OSBPL8: variants seen among roughly 807,000 people sequenced by gnomAD.
OSBPL8 encodes oxysterol-binding protein-related protein 8.
Under a neutral mutation model 125.5 loss-of-function variants are expected in OSBPL8, and 59 were observed. The observed-to-expected ratio is 0.47, with a 90% CI of 0.38 to 0.58. OSBPL8 has a LOEUF of 0.58. OSBPL8 is among the 20% of genes least tolerant of loss of function. The pLI is 0.00. For missense variants in OSBPL8, 758 were observed against 1,047.8 expected (o/e 0.72, Z 3.82); for synonymous variants, 330 against 338.9 (o/e 0.97, Z 0.29).
intron 12 of OSBPL8, among the ~76,000 whole-genome samples, chr12:76,387,708 A>G (rs1180290394): frequency 6.6e-6 from 1 of 152,240 alleles, no homozygotes; most frequent in Non-Finnish European, 1.5e-5. Flanking sequence ...GATGTGAGAC[A>G]GAAGAGCACA....
rs527930975 is a variant in OSBPL8 at position 76,367,495 on chromosome 12, C to T, written c.2328+1719G>A. Among the ~76,000 whole-genome samples, 10 of 152,160 alleles carry T rather than the reference C, an allele frequency of 6.6e-5. No individual in the cohort carries two copies. The South Asian group carries it at 2.1e-3, about 32-fold the overall frequency. ...TCTTGTACACAGCAAATAGTTGGGT[C>T]ATGTTTATTTTAATCAATTTTTACA... On this transcript the variant is annotated intron_variant, in intron 21 of 23. Transcript: ENST00000261183.
chr12:76,430,729 A>G (rs1358502029), intron 4 of OSBPL8, among the ~76,000 whole-genome samples: 1 of 152,204 alleles, frequency 6.6e-6, no homozygotes, highest in African/African-American at 2.4e-5. Context: ...TGATATATTC[A>G]ATGTACTGAA....
At chr12:76,460,787 A>G (rs780809568) in intron 2 of OSBPL8, among the ~76,000 whole-genome samples, 4 of 152,210 alleles carry the variant, frequency 2.6e-5, no homozygotes, top group Admixed American at 6.5e-5. Context: ...TTCATTTTAA[A>G]TACCAAATGC....
At chr12:76,437,117 A>G (rs867260143) in intron 4 of OSBPL8, among the ~76,000 whole-genome samples, 8 of 152,146 alleles carry the variant, frequency 5.3e-5, no homozygotes, top group African/African-American at 1.7e-4. Flanking sequence ...TTTTTCTTCT[A>G]TTACCAACAA....
chr12:76,535,281 C>A (rs1950460729), intron 1 of OSBPL8, among the ~76,000 whole-genome samples: 1 of 151,490 alleles, frequency 6.6e-6, no homozygotes, highest in African/African-American at 2.4e-5. Context: ...AATAAGAAAA[C>A]AATTTTTTAA....
intron 5 of OSBPL8, among the ~76,000 whole-genome samples, chr12:76,405,983 G>A (rs1256755786): frequency 6.6e-6 from 1 of 151,966 alleles, no homozygotes; most frequent in Non-Finnish European, 1.5e-5. Flanking sequence ...GTGACTTTGA[G>A]AAGTTAATTT....
At chr12:76,514,107 C>T (rs952187956) in intron 1 of OSBPL8, among the ~76,000 whole-genome samples, 5 of 151,954 alleles carry the variant, frequency 3.3e-5, no homozygotes, top group African/African-American at 9.7e-5. Context: ...GTAAGGCAGG[C>T]CTGGTGGTTA....
At chr12:76,510,113 C>T (rs1226289363) in intron 1 of OSBPL8, among the ~76,000 whole-genome samples, 1 of 152,148 alleles carries the variant, frequency 6.6e-6, no homozygotes, top group African/African-American at 2.4e-5. Context: ...CCTAACAGCA[C>T]ATTAAAGCCC....
At chr12:76,527,690 T>C (rs1445981117) in intron 1 of OSBPL8, among the ~76,000 whole-genome samples, 3 of 152,186 alleles carry the variant, frequency 2.0e-5, no homozygotes, top group Non-Finnish European at 4.4e-5. Flanking sequence ...ATCTTATCCA[T>C]ACCAAGACAG....
At chr12:76,522,071 A>T (rs189662248) in intron 1 of OSBPL8, among the ~76,000 whole-genome samples, 387 of 152,328 alleles carry the variant, frequency 2.5e-3, no homozygotes, top group Non-Finnish European at 3.9e-3. Context: ...TGGTCTGGTG[A>T]CATTTAGAAT....
In OSBPL8 at chr12:76,410,637, T is replaced by TA. The variant is rs773760933; in HGVS notation, c.218-4dup. The TA allele has an allele frequency of 3.8e-6, 6 of 1,586,952 alleles. No individual in the cohort carries two copies. The African/African-American group carries it at 4.0e-5, about 11-fold the overall frequency. On this transcript the variant is annotated splice_region_variant and splice_polypyrimidine_tract_variant and intron_variant, in intron 4 of 23. Coordinates refer to ENST00000261183, the MANE Select transcript of OSBPL8 (RefSeq NM_020841.5). ...ATCTTCCTTCCCTCTTTCAAAACCT[T>TA]AAAAAAATAGTCAGCATATCAGTAT...
At chr12:76,408,423 C>G (rs1431688080) in intron 5 of OSBPL8, among the ~76,000 whole-genome samples, 1 of 138,856 alleles carries the variant, frequency 7.2e-6, no homozygotes, top group Non-Finnish European at 1.5e-5. Flanking sequence ...GATCGCACCA[C>G]TGTACTCCAG....
intron 1 of OSBPL8, among the ~76,000 whole-genome samples, chr12:76,514,731 T>C (rs943861422): frequency 3.3e-5 from 5 of 152,224 alleles, no homozygotes; most frequent in Non-Finnish European, 7.3e-5. Context: ...TCATGGACAA[T>C]ATCCTGAAAT....
chr12:76,461,545 G>A (rs1266373045), intron 2 of OSBPL8, among the ~76,000 whole-genome samples: 1 of 152,002 alleles, frequency 6.6e-6, no homozygotes, highest in East Asian at 1.9e-4. Context: ...CCACCTCCCG[G>A]GTTCAAGCGA....
In OSBPL8 at chr12:76,371,469, T is replaced by TG; in HGVS notation, c.2032dup (p.Gln678ProfsTer5). 3 of 1,606,514 alleles carry TG rather than the reference T, an allele frequency of 1.9e-6. No individual in the cohort carries two copies. Among genetic ancestry groups the TG allele is most frequent in the Non-Finnish European group, 2.6e-6 (3 of 1,176,138 alleles). ...TTACTTCTCTGATTCAAAATCTCCC[T>TG]GTTCTTCAAATTTTACAGTGTGCCT... On this transcript the variant is annotated frameshift_variant, in exon 19 of 24. Transcript: ENST00000261183. LOFTEE classifies it high-confidence loss of function.
intron 1 of OSBPL8, among the ~76,000 whole-genome samples, chr12:76,494,603 T>C (rs1879082541): frequency 6.6e-6 from 1 of 152,106 alleles, no homozygotes. Context: ...CCTGAAAAAC[T>C]GAATATGGCG....
intron 4 of OSBPL8, among the ~76,000 whole-genome samples, chr12:76,439,490 C>G (rs1419146376): frequency 6.6e-6 from 1 of 152,056 alleles, no homozygotes; most frequent in Non-Finnish European, 1.5e-5. Context: ...ATTTAAGATT[C>G]AACTCAATTT....
chr12:76,389,155 CT>C (rs1953450691), intron 12 of OSBPL8, among the ~76,000 whole-genome samples: 1 of 152,116 alleles, frequency 6.6e-6, no homozygotes, highest in Admixed American at 6.5e-5. Flanking sequence ...CAGCTGGCGG[CT>C]TCAGAAAAGC....
intron 6 of OSBPL8, 66 bp downstream of exon 6, chr12:76,402,623 G>T: frequency 8.9e-7 from 1 of 1,127,274 alleles, no homozygotes; most frequent in Non-Finnish European, 1.3e-6. Flanking sequence ...TATCCTATTA[G>T]TCTACTTCCA....
Sources: gnomAD v4.1 joint callset for allele counts (sites outside exome capture counted in the v4.1 genomes callset) on GRCh38, gnomAD v4.1.1 for gene constraint, MANE v1.5 for transcripts, NCBI Gene and HGNC (gene_info 2026-07-23, HGNC 2026-07-21) for gene names.